The following PTS variants were observed in gnomAD, a reference collection of about 807,000 sequenced individuals.
PTS encodes 6-pyruvoyl tetrahydrobiopterin synthase.
In PTS, 23 loss-of-function variants were observed where a neutral mutation model predicts 20.6. That is an observed-to-expected ratio of 1.12 (90% CI 0.80 to 1.58). PTS has a LOEUF of 1.58. Ranked by LOEUF, PTS falls within the 40% of genes most tolerant of loss-of-function variation. PTS has a pLI of 0.00. For synonymous variants in PTS, 65 were observed against 62.5 expected (o/e 1.04, Z -0.19); for missense variants, 186 against 182.4 (o/e 1.02, Z -0.11).
In PTS at chr11:112,230,230, G is replaced by A. The variant is rs189051075; in HGVS notation, c.186G>A (p.Glu62=). The part of the protein sequence containing the change: ...NYKVVVTVHG[E]IDPATGMVMN... ...TAGTTGTGGTGACAGTACATGGAGAGGTATGTGCAGAAAATATTTGTGTGG... is the reference window on the plus strand; with the variant it reads ...TAGTTGTGGTGACAGTACATGGAGAAGTATGTGCAGAAAATATTTGTGTGG... The change falls in exon 3 of 6, where the codon GAG becomes GAA. Residue 62 remains glutamate, a splice_region_variant and synonymous_variant. Coordinates refer to ENST00000280362, the MANE Select transcript of PTS (RefSeq NM_000317.3). 3 of 1,613,452 alleles carry A rather than the reference G, an allele frequency of 1.9e-6. No homozygotes were observed. Among genetic ancestry groups the A allele is most frequent in the African/African-American group, 2.7e-5 (2 of 75,002 alleles).
At chr11:112,229,271 C>T (rs1470893464) in intron 2 of PTS, 1 of 154,740 alleles carries the variant, frequency 6.5e-6, no homozygotes, top group South Asian at 2.0e-4. Flanking sequence ...CTTCCTTAAT[C>T]TATGGTATCT....
rs943330656 is a variant in PTS at position 112,233,816 on chromosome 11, T to C, written c.*261T>C. 9.9e-6 allele frequency: 3 copies of C among 303,360 alleles called. No individual in the cohort carries two copies. The highest frequency in any genetic ancestry group is 6.6e-5 in the African/African-American group (3 of 45,774). 18.8% of individuals were successfully genotyped at this position (303,360 alleles called of 1,614,324 possible). On this transcript the variant is annotated 3_prime_UTR_variant, in exon 6 of 6. Coordinates refer to ENST00000280362, the MANE Select transcript of PTS (RefSeq NM_000317.3). ...ATCACTTCATTTTCACAAAATGTTTTGGTGTGGGATTATTTGAAAGCAAAA... is the reference window on the plus strand; with the variant it reads ...ATCACTTCATTTTCACAAAATGTTTCGGTGTGGGATTATTTGAAAGCAAAA...
At chr11:112,232,190 G>A (rs1182661998) in intron 4 of PTS, among the ~76,000 whole-genome samples, 1 of 152,084 alleles carries the variant, frequency 6.6e-6, no homozygotes, top group Non-Finnish European at 1.5e-5. Context: ...GCTGCAGTGA[G>A]CTATGATTAT....
intron 1 of PTS, 116 bp downstream of exon 1, chr11:112,226,642 G>A (rs1034440057): frequency 1.3e-6 from 1 of 753,382 alleles, no homozygotes; most frequent in South Asian, 4.3e-5. Context: ...GGGGGCTGCT[G>A]GGGCGACGCG....
At chr11:112,228,265 C>A (rs775561542) in intron 1 of PTS, 4 of 327,036 alleles carry the variant, frequency 1.2e-5, no homozygotes, top group Non-Finnish European at 2.3e-5. Context: ...TCAGCACTTG[C>A]CTGTTACATT....
chr11:112,232,267 A>G (rs796413726), intron 4 of PTS, among the ~76,000 whole-genome samples: 4 of 152,296 alleles, frequency 2.6e-5, no homozygotes, highest in African/African-American at 9.6e-5. Flanking sequence ...GAAAACAAAA[A>G]GCCCTGCATA....
At position 112,233,219 on chromosome 11, in the gene PTS, T is replaced by C. The variant is rs1859964806; in HGVS notation, c.300T>C (p.Phe100=). The C allele has an allele frequency of 4.3e-6, 7 of 1,613,988 alleles. No homozygotes were observed. The highest frequency in any genetic ancestry group is 5.9e-6 in the Non-Finnish European group (7 of 1,179,956). ...ATCTGGATATGGATGTGCCATACTT[T>C]GCAGATGTGGTGAGGTGGGTGGCAC... The part of the protein sequence containing the change: ...HKNLDMDVPY[F]ADVVSTTENV... Residue 100 remains phenylalanine (F), a synonymous_variant, in exon 5 of 6, where the codon TTT becomes TTC. Coordinates refer to ENST00000280362, the MANE Select transcript of PTS (RefSeq NM_000317.3).
At chr11:112,227,890 A>C (rs73556122) in intron 1 of PTS, among the ~76,000 whole-genome samples, 2,900 of 152,292 alleles carry the variant, frequency 0.019, 89 homozygotes, top group African/African-American at 0.065. Flanking sequence ...GATCTCAAAA[A>C]AAAGGGGTTG....
At chr11:112,232,661 T>C (rs533176532) in intron 4 of PTS, among the ~76,000 whole-genome samples, 1 of 152,342 alleles carries the variant, frequency 6.6e-6, no homozygotes, top group South Asian at 2.1e-4. Flanking sequence ...TTTTTCCTTC[T>C]ATGAGCCCAA....
chr11:112,233,024 TG>T, intron 4 of PTS, 138 bp from the exon 5 acceptor site: 1 of 885,986 alleles, frequency 1.1e-6, no homozygotes, highest in South Asian at 1.3e-5. Flanking sequence ...AAAGTTGCCT[TG>T]TAAGACTCAA....
Position 112,226,531 on chromosome 11 carries a change from G to A in PTS, c.83+5G>A, listed in dbSNP as rs746134820. The stretch of plus-strand genomic sequence containing the variant: ...CGCGAGCCACCGATTGTACAGGTAG[G>A]GTGTGCACACAGGTACAGCGGCGGG... On this transcript the variant is annotated splice_donor_5th_base_variant and intron_variant, in intron 1 of 5. Transcript: ENST00000280362. 1.1e-5 allele frequency: 18 copies of A among 1,579,896 alleles called. No homozygotes were observed. Among genetic ancestry groups the A allele is most frequent in the Non-Finnish European group, 1.4e-5 (16 of 1,165,312 alleles).
chr11:112,230,742 C>T, intron 4 of PTS, 60 bp downstream of exon 4: 1 of 1,395,326 alleles, frequency 7.2e-7, no homozygotes, highest in Non-Finnish European at 1.0e-6. Context: ...TTGGTGGCCC[C>T]CTATCTACCT....
In PTS at chr11:112,228,412, G is replaced by A. The variant is rs1396677405; in HGVS notation, c.84-182G>A. The A allele has an allele frequency of 2.4e-5, 15 of 617,674 alleles. No individual in the cohort carries two copies. In the Admixed American group the frequency reaches 4.4e-4, roughly 18 times the overall value. 38.3% of individuals were successfully genotyped at this position (617,674 alleles called of 1,614,324 possible). ...ATCTTCTAATTAGGGAATATGCCAT[G>A]GTTTGTGACGTATACGTAAGTAATA... On this transcript the variant is annotated intron_variant, in intron 1 of 5. Transcript: ENST00000280362.
intron 4 of PTS, among the ~76,000 whole-genome samples, chr11:112,232,317 G>T (rs1859949426): frequency 6.6e-6 from 1 of 152,190 alleles, no homozygotes; most frequent in African/African-American, 2.4e-5. Context: ...AACTGGGATT[G>T]AAGATGAAGC....
In PTS at chr11:112,226,720, C is replaced by T. The variant is rs1303119614; in HGVS notation, c.83+194C>T. 2.6e-5 allele frequency among the ~76,000 whole-genome samples: 4 copies of T among 151,812 alleles called. No homozygotes were observed. In the South Asian group the frequency reaches 6.2e-4, roughly 24 times the overall value. ...TGATGGGGGCTGGAGTGTCCCCAGC[C>T]CTGGAGGGGTGGGGGAGCTTGATGG... is the stretch of plus-strand genomic sequence containing the variant. On this transcript the variant is annotated intron_variant, in intron 1 of 5. Transcript: ENST00000280362.
At position 112,226,437 on chromosome 11, in the gene PTS, C is replaced by A; in HGVS notation, c.-7C>A. 1.3e-6 allele frequency: 2 copies of A among 1,575,474 alleles called. No homozygotes were observed. The highest frequency in any genetic ancestry group is 1.7e-6 in the Non-Finnish European group (2 of 1,162,510). On this transcript the variant is annotated 5_prime_UTR_variant, in exon 1 of 6. Coordinates refer to ENST00000280362, the MANE Select transcript of PTS (RefSeq NM_000317.3). ...GCCGGCCGAGCACCGCAGACAGCGC[C>A]GGGAAGATGAGCACGGAAGGTGGTG...
intron 4 of PTS, among the ~76,000 whole-genome samples, chr11:112,232,616 G>T (rs1424738008): frequency 6.6e-6 from 1 of 152,012 alleles, no homozygotes; most frequent in Non-Finnish European, 1.5e-5. Context: ...TAATATACAC[G>T]AGCATTAGGG....
Position 112,233,892 on chromosome 11 carries a change from T to C in PTS, c.*337T>C, listed in dbSNP as rs903013808. Reference sequence around the variant, plus strand: ...ACCTCATTTTAGTATTAATTTTTACTTGGTATAATATACATGGTTAAAATG... The same window carrying C: ...ACCTCATTTTAGTATTAATTTTTACCTGGTATAATATACATGGTTAAAATG... On this transcript the variant is annotated 3_prime_UTR_variant, in exon 6 of 6. Coordinates refer to ENST00000280362, the MANE Select transcript of PTS (RefSeq NM_000317.3). 1 of 194,418 alleles carries C rather than the reference T, an allele frequency of 5.1e-6. No individual in the cohort carries two copies. The highest frequency in any genetic ancestry group is 2.4e-5 in the African/African-American group (1 of 42,360). 12.0% of individuals were successfully genotyped at this position (194,418 alleles called of 1,614,324 possible). A position where few individuals can be genotyped will look rare whatever the true frequency, so the allele number is the denominator to read the frequency against.
chr11:112,232,651 T>G (rs1859954842), intron 4 of PTS, among the ~76,000 whole-genome samples: 1 of 152,194 alleles, frequency 6.6e-6, no homozygotes, highest in Non-Finnish European at 1.5e-5. Flanking sequence ...CATATATATA[T>G]TTTTCCTTCT....
Sources: gnomAD v4.1 joint callset for allele counts (sites outside exome capture counted in the v4.1 genomes callset) on GRCh38, gnomAD v4.1.1 for gene constraint, MANE v1.5 for transcripts, NCBI Gene and HGNC (gene_info 2026-07-23, HGNC 2026-07-21) for gene names.